The following PIGN variants were observed in gnomAD, a reference collection of about 807,000 sequenced individuals.
PIGN encodes GPI ethanolamine phosphate transferase 1.
PIGN carries 117 observed loss-of-function variants against 125.4 expected under a neutral mutation model. That is an observed-to-expected ratio of 0.93 (90% CI 0.80 to 1.09). The LOEUF (loss-of-function observed/expected upper bound fraction) is 1.09, where lower values mean the gene tolerates loss of function less well. Ranked by LOEUF, PIGN falls within the 50% of genes least tolerant of loss-of-function variation. The probability of loss-of-function intolerance (pLI) is 0.00; values close to 1 mark genes in which losing one functional copy is unlikely to be tolerated. For missense variants in PIGN, 1,075 were observed against 1,094.9 expected (o/e 0.98, Z 0.26); for synonymous variants, 392 against 377.8 (o/e 1.04, Z -0.44).
At chr18:62,108,212 A>C (rs1389578867) in intron 17 of PIGN, among the ~76,000 whole-genome samples, 1 of 152,214 alleles carries the variant, frequency 6.6e-6, no homozygotes, top group African/African-American at 2.4e-5. Context: ...ATTTTGTAAA[A>C]TCATTTAGAA....
intron 1 of PIGN, among the ~76,000 whole-genome samples, chr18:62,172,059 A>G (rs1295628589): frequency 1.3e-5 from 2 of 152,184 alleles, no homozygotes; most frequent in Non-Finnish European, 2.9e-5. Context: ...AAATTCACCA[A>G]TGAAACCACT....
chr18:62,140,791 G>C (rs1402034300), intron 11 of PIGN, among the ~76,000 whole-genome samples: 2 of 152,036 alleles, frequency 1.3e-5, no homozygotes, highest in Non-Finnish European at 2.9e-5. Flanking sequence ...ATTATACAAA[G>C]GATGCCTTAT....
chr18:62,074,737 A>C (rs760814489), intron 29 of PIGN, 42 bp downstream of exon 29: 1 of 1,267,442 alleles, frequency 7.9e-7, no homozygotes, highest in Non-Finnish European at 1.1e-6. Context: ...TTAACCCAGG[A>C]CTCTTAATCT....
chr18:62,069,000 C>T (rs1332582694), intron 30 of PIGN, among the ~76,000 whole-genome samples: 1 of 152,200 alleles, frequency 6.6e-6, no homozygotes, highest in Non-Finnish European at 1.5e-5. Flanking sequence ...GCTCACGGAT[C>T]TGCTTCCTCC....
chr18:62,171,645 C>T (rs1213829923), intron 1 of PIGN, among the ~76,000 whole-genome samples: 2 of 152,104 alleles, frequency 1.3e-5, no homozygotes, highest in Admixed American at 6.5e-5. Flanking sequence ...AGCTTTAAAT[C>T]ATGAATGGAT....
intron 30 of PIGN, among the ~76,000 whole-genome samples, chr18:62,063,111 T>C (rs2032280646): frequency 6.6e-6 from 1 of 151,642 alleles, no homozygotes; most frequent in Non-Finnish European, 1.5e-5. Flanking sequence ...AACAAAAATG[T>C]GTCAAGCAAA....
In PIGN at chr18:62,114,843, G is replaced by A. The variant is rs575936373; in HGVS notation, c.1173-204C>T. 2.0e-4 allele frequency among the ~76,000 whole-genome samples: 31 copies of A among 152,226 alleles called. 1 individual carries two copies. Among genetic ancestry groups the A allele is most frequent in the African/African-American group, 5.8e-4 (24 of 41,536 alleles). On this transcript the variant is annotated intron_variant, in intron 14 of 30. Transcript: ENST00000640252. ...TAGTTAAATTTGGTTTTCTTGACTCGAAGTTTCAAATGCCAAACTACACTT... is the reference window on the plus strand; with the variant it reads ...TAGTTAAATTTGGTTTTCTTGACTCAAAGTTTCAAATGCCAAACTACACTT...
At chr18:62,125,698 A>G (rs1267378365) in intron 14 of PIGN, among the ~76,000 whole-genome samples, 1 of 152,084 alleles carries the variant, frequency 6.6e-6, no homozygotes, top group Non-Finnish European at 1.5e-5. Flanking sequence ...TGCTAATTTC[A>G]AAAATGGAAA....
intron 1 of PIGN, among the ~76,000 whole-genome samples, chr18:62,180,797 T>G (rs2037690657): frequency 6.6e-6 from 1 of 152,168 alleles, no homozygotes; most frequent in Admixed American, 6.5e-5. Context: ...ATAAATGTTG[T>G]TCATAGGGCC....
At chr18:62,150,489 C>G (rs1047159038) in intron 7 of PIGN, among the ~76,000 whole-genome samples, 1 of 152,088 alleles carries the variant, frequency 6.6e-6, no homozygotes, top group African/African-American at 2.4e-5. Flanking sequence ...GAAGAAGATG[C>G]ATGAACTGAG....
At chr18:62,092,338 G>A (rs1232164233) in intron 23 of PIGN, among the ~76,000 whole-genome samples, 1 of 152,030 alleles carries the variant, frequency 6.6e-6, no homozygotes, top group Non-Finnish European at 1.5e-5. Flanking sequence ...ATAGTTTGTT[G>A]TAGATATTAT....
intron 23 of PIGN, among the ~76,000 whole-genome samples, chr18:62,022,822 G>A (rs1207189873): frequency 1.3e-5 from 2 of 152,130 alleles, no homozygotes; most frequent in African/African-American, 2.4e-5. Context: ...TATCTGTGGG[G>A]AATTTGTTTC....
At chr18:62,167,197 C>G (rs2037169229) in intron 1 of PIGN, among the ~76,000 whole-genome samples, 1 of 151,896 alleles carries the variant, frequency 6.6e-6, no homozygotes, top group African/African-American at 2.4e-5. Flanking sequence ...CGCTCTCTCT[C>G]TCTCTCTCTC....
At chr18:62,076,682 C>T (rs1265440483) in intron 28 of PIGN, among the ~76,000 whole-genome samples, 2 of 152,090 alleles carry the variant, frequency 1.3e-5, no homozygotes, top group African/African-American at 4.8e-5. Context: ...TTTGTGACTT[C>T]TTTTTAATAA....
At chr18:62,099,089 G>T (rs190206681) in intron 22 of PIGN, among the ~76,000 whole-genome samples, 1 of 151,942 alleles carries the variant, frequency 6.6e-6, no homozygotes, top group East Asian at 1.9e-4. Context: ...ACAAGCCTAC[G>T]AGTCATGTTA....
chr18:62,132,137 C>A (rs1176433662), intron 14 of PIGN, among the ~76,000 whole-genome samples: 1 of 152,060 alleles, frequency 6.6e-6, no homozygotes, highest in Non-Finnish European at 1.5e-5. Flanking sequence ...TGTTTATAGG[C>A]CCACATTTAC....
chr18:62,058,787 A>G (rs2031916892), intron 30 of PIGN: 1 of 152,152 alleles, frequency 6.6e-6, no homozygotes, highest in Non-Finnish European at 1.5e-5. Context: ...AGGTTTAGCC[A>G]CAGAACTCTA....
intron 14 of PIGN, among the ~76,000 whole-genome samples, chr18:62,126,956 C>T (rs1360499770): frequency 1.3e-5 from 2 of 152,164 alleles, no homozygotes; most frequent in Non-Finnish European, 2.9e-5. Flanking sequence ...GATTCAACTT[C>T]CATTGTACCT....
At chr18:62,154,174 A>G (rs2036636157) in intron 7 of PIGN, 1 of 257,110 alleles carries the variant, frequency 3.9e-6, no homozygotes, top group South Asian at 1.7e-4. Context: ...GTTATTATAA[A>G]TGTATTACAT....
Sources: gnomAD v4.1 joint callset for allele counts (sites outside exome capture counted in the v4.1 genomes callset) on GRCh38, gnomAD v4.1.1 for gene constraint, MANE v1.5 for transcripts, NCBI Gene and HGNC (gene_info 2026-07-23, HGNC 2026-07-21) for gene names.